PCDH15: variants seen among roughly 807,000 people sequenced by gnomAD.
PCDH15 encodes the protein protocadherin-15.
PCDH15 carries 129 observed loss-of-function variants against 178.5 expected under a neutral mutation model. That is an observed-to-expected ratio of 0.72 (90% CI 0.63 to 0.84). The LOEUF (loss-of-function observed/expected upper bound fraction) is 0.84. PCDH15 is among the 40% of genes least tolerant of loss of function. The pLI is 0.00. For synonymous variants in PCDH15, 800 were observed against 732.0 expected (o/e 1.09, Z -1.50); for missense variants, 2,230 against 2,099.9 (o/e 1.06, Z -1.21).
chr10:54,140,848 T>C (rs950034345), intron 14 of PCDH15, among the ~76,000 whole-genome samples: 9 of 152,106 alleles, frequency 5.9e-5, no homozygotes, highest in African/African-American at 2.2e-4. Flanking sequence ...AACACCTGGC[T>C]AATTTTTTGT....
intron 6 of PCDH15, among the ~76,000 whole-genome samples, chr10:54,334,959 G>A (rs1246373889): frequency 6.6e-6 from 1 of 152,046 alleles, no homozygotes; most frequent in Non-Finnish European, 1.5e-5. Context: ...CTGTGAGTCT[G>A]TGTTTTAGTT....
intron 2 of PCDH15, among the ~76,000 whole-genome samples, chr10:54,586,341 A>G (rs760943946): frequency 1.3e-5 from 2 of 152,162 alleles, no homozygotes; most frequent in Non-Finnish European, 2.9e-5. Context: ...TTGCTACACA[A>G]TGAGGATACA....
At chr10:54,389,535 A>G (rs149263655) in intron 3 of PCDH15, among the ~76,000 whole-genome samples, 10 of 152,300 alleles carry the variant, frequency 6.6e-5, no homozygotes, top group Non-Finnish European at 1.3e-4. Flanking sequence ...GTCCCCTGAC[A>G]TAAGTATCAT....
At chr10:54,190,253 C>T (rs1481061967) in intron 11 of PCDH15, among the ~76,000 whole-genome samples, 1 of 152,128 alleles carries the variant, frequency 6.6e-6, no homozygotes, top group African/African-American at 2.4e-5. Flanking sequence ...CTCTTGAGAG[C>T]CAAGCCCTGC....
At chr10:54,724,009 AC>A (rs1269429237) in intron 1 of PCDH15, among the ~76,000 whole-genome samples, 7 of 151,782 alleles carry the variant, frequency 4.6e-5, no homozygotes, top group Non-Finnish European at 7.4e-5. Context: ...AAGTAGAACT[AC>A]CGTTCAACCC....
chr10:53,972,432 A>G (rs1255968006), intron 21 of PCDH15, among the ~76,000 whole-genome samples: 1 of 152,240 alleles, frequency 6.6e-6, no homozygotes, highest in East Asian at 1.9e-4. Context: ...GCCAAAATTG[A>G]CAAATTGGAT....
At chr10:55,626,121 G>C (rs1837521995) in intron 2 of PCDH15, among the ~76,000 whole-genome samples, 1 of 151,758 alleles carries the variant, frequency 6.6e-6, no homozygotes, top group Non-Finnish European at 1.5e-5. Context: ...GAAGCTACAA[G>C]TGTACAGAAG....
At chr10:55,256,458 G>A (rs971825976) in intron 1 of PCDH15, among the ~76,000 whole-genome samples, 1 of 152,198 alleles carries the variant, frequency 6.6e-6, no homozygotes, top group African/African-American at 2.4e-5. Context: ...AAGGGGTCAG[G>A]GAATTTCCTT....
intron 2 of PCDH15, among the ~76,000 whole-genome samples, chr10:54,639,155 T>A (rs1409561586): frequency 6.6e-6 from 1 of 152,182 alleles, no homozygotes; most frequent in Non-Finnish European, 1.5e-5. Flanking sequence ...TGTTTTCTTA[T>A]AGAATTGAAA....
At chr10:55,358,631 G>GATAATTTTA (rs1845139123) in intron 2 of PCDH15, among the ~76,000 whole-genome samples, 1 of 151,978 alleles carries the variant, frequency 6.6e-6, no homozygotes, top group African/African-American at 2.4e-5. Flanking sequence ...TCTTATCTTG[G>GATAATTTTA]ATAATTTTAA....
chr10:54,170,494 C>T lies in PCDH15; in HGVS notation c.1590+12950G>A, dbSNP rs376572942. Among the ~76,000 whole-genome samples, 792 of 150,814 alleles carry T rather than the reference C, an allele frequency of 5.3e-3. 6 individuals are homozygous for T. The highest frequency in any genetic ancestry group is 0.018 in the African/African-American group (741 of 40,224). On this transcript the variant is annotated intron_variant, in intron 13 of 37. Coordinates refer to ENST00000644397, the MANE Select transcript of PCDH15 (RefSeq NM_001384140.1). ...TCTACAGTTCTCATAACTTCCAAAA[C>T]CTATTTTCTTCCTCATACCTGATGC...
At chr10:55,590,013 C>T (rs1436608158) in intron 2 of PCDH15, among the ~76,000 whole-genome samples, 24 of 145,996 alleles carry the variant, frequency 1.6e-4, no homozygotes, top group Admixed American at 5.5e-4. Flanking sequence ...CACATGCACA[C>T]GTATGTTTAT....
rs138703278 is a variant in PCDH15 at position 54,189,276 on chromosome 10, C to T, written c.1306-4008G>A. On this transcript the variant is annotated intron_variant, in intron 11 of 37. Transcript: ENST00000644397. The stretch of plus-strand genomic sequence containing the variant: ...ATAAGGGATAATGAAGTAATACCTA[C>T]GTGTTTTAGTGAAGAAAAAAAAGAA... 4.5e-3 allele frequency: 4,479 copies of T among 1,000,562 alleles called. 15 individuals are homozygous for T. The highest frequency in any genetic ancestry group is 6.0e-3 in the Non-Finnish European group (3,890 of 652,556). 62.0% of individuals were successfully genotyped at this position (1,000,562 alleles called of 1,614,324 possible). A position where few individuals can be genotyped will look rare whatever the true frequency, so the allele number is the denominator to read the frequency against.
At chr10:54,258,724 A>T (rs1298687065) in intron 8 of PCDH15, among the ~76,000 whole-genome samples, 1 of 152,182 alleles carries the variant, frequency 6.6e-6, no homozygotes, top group Non-Finnish European at 1.5e-5. Flanking sequence ...ATAATATCCA[A>T]CGTGAATAAA....
intron 2 of PCDH15, among the ~76,000 whole-genome samples, chr10:55,503,336 T>C (rs1482019940): frequency 6.7e-6 from 1 of 149,064 alleles, no homozygotes; most frequent in Non-Finnish European, 1.5e-5. Context: ...AAATTAAGTT[T>C]TATTAATTAA....
rs536671006 is a variant in PCDH15 at position 54,944,552 on chromosome 10, T to C, written c.-79-47052A>G. 2.0e-5 allele frequency among the ~76,000 whole-genome samples: 3 copies of C among 152,044 alleles called. No homozygotes were observed. In the South Asian group the frequency reaches 6.2e-4, roughly 32 times the overall value. ...CAGTGAATACACAGTTTATGCTAGT[T>C]ATTTTTTAAGCAGCCAATCCATTAT... On this transcript the variant is annotated intron_variant, in intron 2 of 5. Coordinates refer to the PCDH15 transcript ENST00000458638.
chr10:54,899,404 T>C (rs926812161), intron 2 of PCDH15, among the ~76,000 whole-genome samples: 32 of 152,168 alleles, frequency 2.1e-4, no homozygotes, highest in African/African-American at 6.8e-4. Flanking sequence ...ATAAAGTTTA[T>C]AAATTATCAC....
chr10:54,745,772 A>C (rs1945378365), intron 1 of PCDH15, among the ~76,000 whole-genome samples: 1 of 152,232 alleles, frequency 6.6e-6, no homozygotes, highest in Admixed American at 6.5e-5. Context: ...AGCGAAGGCC[A>C]GAGTGCTTTC....
chr10:54,493,909 A>T (rs1306583021), intron 3 of PCDH15, among the ~76,000 whole-genome samples: 1 of 152,118 alleles, frequency 6.6e-6, no homozygotes, highest in Non-Finnish European at 1.5e-5. Context: ...TACAGCCATA[A>T]AAAATGATGA....
Sources: gnomAD v4.1 joint callset for allele counts (sites outside exome capture counted in the v4.1 genomes callset) on GRCh38, gnomAD v4.1.1 for gene constraint, MANE v1.5 for transcripts, NCBI Gene and HGNC (gene_info 2026-07-23, HGNC 2026-07-21) for gene names.